TENM3: variants seen among roughly 807,000 people sequenced by gnomAD.
The protein encoded by TENM3 is teneurin-3.
In TENM3, 63 loss-of-function variants were observed where a neutral mutation model predicts 255.1. That is an observed-to-expected ratio of 0.25 (90% confidence interval 0.20 to 0.30). The LOEUF (loss-of-function observed/expected upper bound fraction) is 0.30, where lower values mean the gene tolerates loss of function less well. Among genes scored for constraint, TENM3 ranks in the 10% least tolerant of loss-of-function variants. TENM3 has a pLI of 1.00. For missense variants in TENM3, 2,929 were observed against 3,461.1 expected (o/e 0.85, Z 3.86); for synonymous variants, 1,306 against 1,322.3 (o/e 0.99, Z 0.27).
At chr4:181,473,910 G>A in the TENM3 span, among the ~76,000 whole-genome samples, 3 of 147,768 alleles carry the variant, frequency 2.0e-5, no homozygotes, top group Admixed American at 7.0e-5. Flanking sequence ...AAAGTATACA[G>A]TATAAAATAT....
At chr4:181,631,251 T>A in the TENM3 span, among the ~76,000 whole-genome samples, 1 of 152,040 alleles carries the variant, frequency 6.6e-6, no homozygotes. Context: ...ATAGGCTCTC[T>A]CATAGTACCA....
chr4:182,286,036 A>G (rs1432623961), intron 1 of TENM3, among the ~76,000 whole-genome samples: 2 of 152,166 alleles, frequency 1.3e-5, no homozygotes, highest in African/African-American at 4.8e-5. Context: ...CAGGAGATCC[A>G]TCGTGGCTTG....
At chr4:182,138,259 G>C in the TENM3 span, among the ~76,000 whole-genome samples, 2 of 152,204 alleles carry the variant, frequency 1.3e-5, no homozygotes, top group African/African-American at 4.8e-5. Context: ...ATCTTTGCAT[G>C]TGTGATAAGC....
At chr4:182,130,433 A>AATAC in the TENM3 span, among the ~76,000 whole-genome samples, 7 of 152,334 alleles carry the variant, frequency 4.6e-5, 1 homozygote, top group South Asian at 1.4e-3. Context: ...AATACTTAGC[A>AATAC]ATACATAATT....
At chr4:182,351,479 T>C (rs1051601391) in intron 3 of TENM3, among the ~76,000 whole-genome samples, 1 of 152,136 alleles carries the variant, frequency 6.6e-6, no homozygotes, top group African/African-American at 2.4e-5. Flanking sequence ...CTGAATCACC[T>C]AGAGTGGCAG....
chr4:182,769,394 T>C (rs556321306), intron 22 of TENM3, among the ~76,000 whole-genome samples: 3 of 151,798 alleles, frequency 2.0e-5, no homozygotes, highest in Non-Finnish European at 4.4e-5. Context: ...TAGGTGCTAA[T>C]CTGTGAAAAA....
At chr4:181,697,566 G>A in the TENM3 span, among the ~76,000 whole-genome samples, 1 of 151,964 alleles carries the variant, frequency 6.6e-6, no homozygotes, top group Non-Finnish European at 1.5e-5. Flanking sequence ...GCTAATTTTT[G>A]TATTTTTAGT....
intron 3 of TENM3, among the ~76,000 whole-genome samples, chr4:182,402,596 T>C (rs1250538148): frequency 1.3e-5 from 2 of 152,324 alleles, no homozygotes; most frequent in East Asian, 1.9e-4. Context: ...AAATTTAATA[T>C]ACTTCTCTTC....
the TENM3 span, among the ~76,000 whole-genome samples, chr4:181,786,697 CT>C: frequency 0.52 from 75,155 of 144,778 alleles, 19,184 homozygotes; most frequent in Non-Finnish European, 0.55. Flanking sequence ...AAGACAATCA[CT>C]TTTTTTTTTT....
chr4:182,289,650 A>G (rs552854581), intron 1 of TENM3, among the ~76,000 whole-genome samples: 1 of 152,374 alleles, frequency 6.6e-6, no homozygotes, highest in African/African-American at 2.4e-5. Flanking sequence ...AATGAGATCA[A>G]TTTAGAAAGC....
intron 3 of TENM3, among the ~76,000 whole-genome samples, chr4:182,449,903 G>A (rs776390372): frequency 1.8e-4 from 27 of 152,194 alleles, no homozygotes; most frequent in Non-Finnish European, 3.5e-4. Context: ...ATTGATGTGT[G>A]TAGTTCAATA....
the TENM3 span, among the ~76,000 whole-genome samples, chr4:182,072,566 A>C: frequency 1.6e-4 from 25 of 152,252 alleles, no homozygotes; most frequent in African/African-American, 6.0e-4. Context: ...ACAATATTTA[A>C]AGAAATATAT....
At chr4:181,873,749 TG>T in the TENM3 span, among the ~76,000 whole-genome samples, 2 of 151,540 alleles carry the variant, frequency 1.3e-5, no homozygotes, top group Non-Finnish European at 2.9e-5. Flanking sequence ...ATGGTGTGTG[TG>T]TGTGTGTGTG....
chr4:182,628,619 G>T (rs1226985011), intron 4 of TENM3, 32 bp from the exon 5 acceptor site: 3 of 1,360,466 alleles, frequency 2.2e-6, no homozygotes, highest in Non-Finnish European at 3.1e-6. Flanking sequence ...TAACATATTT[G>T]TATCTTATAA....
chr4:182,305,018 G>T (rs1161447508), intron 1 of TENM3, among the ~76,000 whole-genome samples: 1 of 151,694 alleles, frequency 6.6e-6, no homozygotes, highest in African/African-American at 2.4e-5. Flanking sequence ...TATTCCTGTA[G>T]CAGGAGACAC....
the TENM3 span, among the ~76,000 whole-genome samples, chr4:181,625,687 G>A: frequency 2.0e-5 from 3 of 152,006 alleles, no homozygotes; most frequent in Admixed American, 6.5e-5. Flanking sequence ...GGCGGCAGGC[G>A]CCTGTAGTCC....
chr4:182,069,691 ACACAC>A, the TENM3 span, among the ~76,000 whole-genome samples: 1 of 14,070 alleles, frequency 7.1e-5, no homozygotes, highest in Non-Finnish European at 2.8e-4. Context: ...GCATAAACAC[ACACAC>A]ACACACACAC....
chr4:182,053,983 G>A, the TENM3 span, among the ~76,000 whole-genome samples: 1 of 152,146 alleles, frequency 6.6e-6, no homozygotes, highest in African/African-American at 2.4e-5. Context: ...TCTGTAGGTT[G>A]AAGACATAAG....
At chr4:181,828,173 G>T in the TENM3 span, among the ~76,000 whole-genome samples, 14,339 of 152,198 alleles carry the variant, frequency 0.094, 1,248 homozygotes, top group East Asian at 0.52. Flanking sequence ...GGAAGCTGAA[G>T]CCAAGCTGCC....
Sources: gnomAD v4.1 joint callset for allele counts (sites outside exome capture counted in the v4.1 genomes callset) on GRCh38, gnomAD v4.1.1 for gene constraint, MANE v1.5 for transcripts, NCBI Gene and HGNC (gene_info 2026-07-23, HGNC 2026-07-21) for gene names.